The following IMPG2 variants were observed in gnomAD, a reference collection of about 807,000 sequenced individuals.
The protein encoded by IMPG2 is IPM 200.
Under a neutral mutation model 129.2 loss-of-function variants are expected in IMPG2, and 91 were observed. The ratio of observed to expected loss-of-function variants is 0.70; its 90% CI spans 0.59 to 0.84. The LOEUF (loss-of-function observed/expected upper bound fraction) is 0.84, where lower values mean the gene tolerates loss of function less well. IMPG2 is among the 40% of genes least tolerant of loss of function. The pLI is 0.00. For synonymous variants in IMPG2, 510 were observed against 517.7 expected (o/e 0.99, Z 0.20); for missense variants, 1,430 against 1,461.7 (o/e 0.98, Z 0.35).
intron 3 of IMPG2, among the ~76,000 whole-genome samples, chr3:101,299,936 G>A (rs1707122062): frequency 6.6e-6 from 1 of 152,148 alleles, no homozygotes. Context: ...TGGTGGAGGG[G>A]GTGTGCTTCA....
intron 3 of IMPG2, among the ~76,000 whole-genome samples, chr3:101,302,802 C>T (rs977171815): frequency 6.6e-6 from 1 of 152,058 alleles, no homozygotes; most frequent in Non-Finnish European, 1.5e-5. Flanking sequence ...TGTGAGGTGC[C>T]ATGATTAAAA....
intron 4 of IMPG2, among the ~76,000 whole-genome samples, chr3:101,280,449 G>C (rs1219913257): frequency 6.6e-6 from 1 of 152,156 alleles, no homozygotes; most frequent in Non-Finnish European, 1.5e-5. Flanking sequence ...AAATACCTTA[G>C]TTGCTCTGGG....
intron 11 of IMPG2, among the ~76,000 whole-genome samples, chr3:101,248,918 C>T (rs1706514391): frequency 6.6e-6 from 1 of 152,178 alleles, no homozygotes; most frequent in African/African-American, 2.4e-5. Context: ...CTGCACCACC[C>T]CTGCTCCCTT....
chr3:101,314,411 G>C (rs1429939498), intron 2 of IMPG2, among the ~76,000 whole-genome samples: 1 of 152,084 alleles, frequency 6.6e-6, no homozygotes, highest in African/African-American at 2.4e-5. Context: ...AGTCAAGTAT[G>C]GGCTGTGGAT....
intron 4 of IMPG2, among the ~76,000 whole-genome samples, chr3:101,288,153 C>A (rs1294003906): frequency 6.6e-6 from 1 of 152,134 alleles, no homozygotes; most frequent in Admixed American, 6.6e-5. Flanking sequence ...CAGTAACACT[C>A]AGGGAAATGC....
chr3:101,295,936 G>A (rs148231859), intron 3 of IMPG2, among the ~76,000 whole-genome samples: 2 of 152,302 alleles, frequency 1.3e-5, no homozygotes, highest in East Asian at 3.9e-4. Context: ...TGCTGAAGTT[G>A]CTTATCAGCT....
intron 15 of IMPG2, 141 bp downstream of exon 15, chr3:101,232,640 T>A (rs1706301796): frequency 1.4e-6 from 1 of 699,350 alleles, no homozygotes; most frequent in Admixed American, 2.3e-5. Context: ...ACATGACAGT[T>A]AGATGGCTCC....
intron 10 of IMPG2, among the ~76,000 whole-genome samples, chr3:101,256,193 G>GAAAGAAAGAAAGAAAGA (rs1559646408): frequency 8.1e-4 from 120 of 148,266 alleles, no homozygotes; most frequent in African/African-American, 2.9e-3. Context: ...AAGAAAGAAA[G>GAAAGAAAGAAAGAAAGA]AAAGAAAGAA....
At chr3:101,274,689 C>T (rs114148042) in intron 6 of IMPG2, among the ~76,000 whole-genome samples, 1,896 of 152,238 alleles carry the variant, frequency 0.012, 43 homozygotes, top group African/African-American at 0.043. Context: ...GCATACAATT[C>T]CTTAATTTCT....
intron 4 of IMPG2, among the ~76,000 whole-genome samples, chr3:101,290,614 G>A (rs2329): frequency 1.3e-5 from 2 of 152,236 alleles, no homozygotes; most frequent in South Asian, 2.1e-4. Flanking sequence ...TAGACTCAGT[G>A]CCATTGGCTG....
At position 101,269,659 on chromosome 3, in the gene IMPG2, A is replaced by C. The variant is rs570797423; in HGVS notation, c.829-86T>G. 206 of 828,722 alleles carry C rather than the reference A, an allele frequency of 2.5e-4. 2 individuals carry two copies. The highest frequency in any genetic ancestry group is 4.3e-5 in the Non-Finnish European group (21 of 489,518). 51.3% of individuals were successfully genotyped at this position (828,722 alleles called of 1,614,324 possible). A position where few individuals can be genotyped will look rare whatever the true frequency, so the allele number is the denominator to read the frequency against. ...TAATGCTTTTAAGAGTAGAATAAAAAGTGAACTGTTCACAACTATTAGAAG... is the reference window on the plus strand; with the variant it reads ...TAATGCTTTTAAGAGTAGAATAAAACGTGAACTGTTCACAACTATTAGAAG... On this transcript the variant is annotated intron_variant, in intron 7 of 18. Transcript: ENST00000193391.
At position 101,244,136 on chromosome 3, in the gene IMPG2, G is replaced by C. The variant is rs762698931; in HGVS notation, c.2195C>G (p.Ser732Cys). Residue 732 changes from serine to cysteine, a missense_variant, in exon 13 of 19, where the codon TCT becomes TGT. Ser to Cys is a moderately radical substitution (Grantham distance 112). Transcript: ENST00000193391. ...LILTSVAISA[S>C]TDKSDQADAI... ...ATCTGCCTGATCTGATTTATCAGTA[G>C]AGGCAGAGATTGCTACAGATGTCAG... 1.2e-6 allele frequency: 2 copies of C among 1,614,066 alleles called. No homozygotes were observed. The highest frequency in any genetic ancestry group is 1.7e-6 in the Non-Finnish European group (2 of 1,180,010).
intron 7 of IMPG2, among the ~76,000 whole-genome samples, chr3:101,272,372 G>C (rs1706795106): frequency 6.6e-6 from 1 of 152,176 alleles, no homozygotes; most frequent in Admixed American, 6.5e-5. Context: ...AGGGAGTACA[G>C]AGATAGGCCA....
rs1166541592 is a variant in IMPG2, at chr3:101,245,967, A to C, written c.1378T>G (p.Ser460Ala). The C allele has an allele frequency of 1.2e-6, 2 of 1,614,168 alleles. No individual in the cohort carries two copies. The change falls in exon 12 of 19, where the codon TCT (serine) becomes GCT (alanine). Residue 460 changes from serine to alanine, a missense_variant. Physicochemically the swap from Ser to Ala is moderately conservative, Grantham distance 99. Coordinates refer to ENST00000193391, the MANE Select transcript of IMPG2 (RefSeq NM_016247.4). ...GAGGGAAAGGCTAATTTGTGTGTAG[A>C]CACTAAATCACCCAAAGGACTTTCT... ...WSESPLGDLV[S>A]THKLAFPSKM...
chr3:101,256,316 TCACA>T (rs571491261), intron 10 of IMPG2, among the ~76,000 whole-genome samples: 1 of 151,490 alleles, frequency 6.6e-6, no homozygotes, highest in Non-Finnish European at 1.5e-5. Context: ...TCTGTCTCTC[TCACA>T]CACACACATA....
chr3:101,247,220 C>T (rs1190715287), intron 11 of IMPG2, among the ~76,000 whole-genome samples: 2 of 152,118 alleles, frequency 1.3e-5, no homozygotes, highest in East Asian at 1.9e-4. Context: ...CTACAATCCA[C>T]AGGGAAAAAA....
At chr3:101,310,162 C>A (rs1188798312) in intron 2 of IMPG2, among the ~76,000 whole-genome samples, 1 of 152,130 alleles carries the variant, frequency 6.6e-6, no homozygotes, top group Non-Finnish European at 1.5e-5. Context: ...GTAAATTTCA[C>A]CTTTAAGAAA....
At chr3:101,264,512 T>A (rs999453653) in intron 9 of IMPG2, among the ~76,000 whole-genome samples, 10 of 151,966 alleles carry the variant, frequency 6.6e-5, no homozygotes, top group African/African-American at 2.4e-4. Flanking sequence ...CCTTCATGAT[T>A]AAAACCCTCA....
intron 9 of IMPG2, among the ~76,000 whole-genome samples, chr3:101,261,166 T>C (rs1706665748): frequency 6.6e-6 from 1 of 152,180 alleles, no homozygotes; most frequent in Non-Finnish European, 1.5e-5. Flanking sequence ...CTTAGCGTGA[T>C]AGACCATATC....
Sources: gnomAD v4.1 joint callset for allele counts (sites outside exome capture counted in the v4.1 genomes callset) on GRCh38, gnomAD v4.1.1 for gene constraint, MANE v1.5 for transcripts, NCBI Gene and HGNC (gene_info 2026-07-23, HGNC 2026-07-21) for gene names.